The following APBA2 variants were observed in gnomAD, a reference collection of about 807,000 sequenced individuals.
APBA2 encodes the protein amyloid-beta A4 precursor protein-binding family A member 2.
Under a neutral mutation model 75.0 loss-of-function variants are expected in APBA2, and 30 were observed. That is an observed-to-expected ratio of 0.40 (90% CI 0.30 to 0.54). The LOEUF (loss-of-function observed/expected upper bound fraction) is 0.54. Among genes scored for constraint, APBA2 ranks in the 20% least tolerant of loss-of-function variants. APBA2 has a pLI of 0.49. For synonymous variants in APBA2, 444 were observed against 409.6 expected (o/e 1.08, Z -1.01); for missense variants, 801 against 1,016.1 (o/e 0.79, Z 2.88).
intron 9 of APBA2, among the ~76,000 whole-genome samples, chr15:29,099,558 G>A (rs1446364708): frequency 2.0e-5 from 3 of 152,226 alleles, no homozygotes; most frequent in Non-Finnish European, 4.4e-5. Flanking sequence ...GGCAAAAGAG[G>A]TGTCCAGCCT....
intron 3 of APBA2, among the ~76,000 whole-genome samples, chr15:29,004,941 A>G (rs992313711): frequency 3.3e-5 from 5 of 152,100 alleles, no homozygotes; most frequent in Admixed American, 1.3e-4. Flanking sequence ...TGGGCTCTCA[A>G]AGTGCTGGGG....
rs1415683696 is a variant in APBA2, at chr15:28,918,041, C to T, written c.-204-3599C>T. On this transcript the variant is annotated intron_variant, in intron 1 of 14. Transcript: ENST00000683413. This position sits in a 1 kb window ranked among gnomAD's most constrained non-coding sequence, Gnocchi z 4.2. ...GTGGGGCAAGGAAGCTGCCCCCAGT[C>T]GGTCCCCGAGGATTCTGCCCAGATA... 6.6e-6 allele frequency among the ~76,000 whole-genome samples: 1 copy of T among 152,208 alleles called. No individual in the cohort carries two copies. Among genetic ancestry groups the T allele is most frequent in the African/African-American group, 2.4e-5 (1 of 41,450 alleles).
At chr15:28,923,247 C>G (rs1034953554) in intron 2 of APBA2, among the ~76,000 whole-genome samples, 8 of 152,124 alleles carry the variant, frequency 5.3e-5, no homozygotes, top group Non-Finnish European at 1.0e-4. Flanking sequence ...TGCCCACTCC[C>G]CATAGATTAC....
intron 3 of APBA2, among the ~76,000 whole-genome samples, chr15:29,005,314 G>A (rs1018828280): frequency 1.3e-5 from 2 of 152,000 alleles, no homozygotes; most frequent in African/African-American, 4.8e-5. Flanking sequence ...AGCGTGGAGT[G>A]CAGTGCTGCA....
chr15:28,898,130 C>T (rs1241437469), intron 1 of APBA2, among the ~76,000 whole-genome samples: 6 of 152,110 alleles, frequency 3.9e-5, no homozygotes, highest in African/African-American at 1.4e-4. Flanking sequence ...GGGAATGTGG[C>T]CCTGCCAACA....
intron 4 of APBA2, 21 bp from the exon 5 acceptor site, chr15:29,074,900 C>G (rs1566976025): frequency 6.2e-7 from 1 of 1,612,678 alleles, no homozygotes; most frequent in African/African-American, 1.3e-5. Context: ...AAATCACGAT[C>G]TTTAACTTCC....
chr15:28,993,147 C>T (rs1014654075), intron 2 of APBA2, among the ~76,000 whole-genome samples: 2 of 152,270 alleles, frequency 1.3e-5, no homozygotes, highest in Non-Finnish European at 2.9e-5. Flanking sequence ...TGGGATGGAG[C>T]CCGCCCCCCA....
At chr15:29,088,731 C>T (rs949760255) in intron 6 of APBA2, among the ~76,000 whole-genome samples, 3 of 152,178 alleles carry the variant, frequency 2.0e-5, no homozygotes, top group African/African-American at 4.8e-5. Context: ...GGTTGGGCCA[C>T]TTCCCTGATG....
rs543941199 is a variant in APBA2, at chr15:28,962,827, C to T, written c.-94-32926C>T. Among the ~76,000 whole-genome samples, 247 of 152,324 alleles carry T rather than the reference C, an allele frequency of 1.6e-3. 1 individual carries two copies. The highest frequency in any genetic ancestry group is 3.0e-3 in the Non-Finnish European group (204 of 68,038). The stretch of plus-strand genomic sequence containing the variant: ...TGTCCTAGAGGTTATGATCTGCAGA[C>T]TCATTAGATGCTAGTGATGCTGGTC... On this transcript the variant is annotated intron_variant, in intron 2 of 14. Transcript: ENST00000683413.
rs941254168 is a variant in APBA2, at chr15:29,118,154, T to A, written c.*1021T>A. The stretch of plus-strand genomic sequence containing the variant: ...GTCATCTTGTCTCGAAGTCTCTTTT[T>A]TTGGCCCAGGCCTTGAAGAATACAC... On this transcript the variant is annotated 3_prime_UTR_variant, in exon 15 of 15. Transcript: ENST00000683413. 1 of 152,666 alleles carries A rather than the reference T, an allele frequency of 6.6e-6. No homozygotes were observed. The highest frequency in any genetic ancestry group is 1.5e-5 in the Non-Finnish European group (1 of 68,054). The allele number at this position is 152,666 out of a possible 1,614,324, so 9.5% of individuals were successfully genotyped here.
At chr15:29,086,413 A>G (rs1254439923) in intron 6 of APBA2, among the ~76,000 whole-genome samples, 2 of 152,254 alleles carry the variant, frequency 1.3e-5, no homozygotes, top group African/African-American at 2.4e-5. Flanking sequence ...GTAATTTGTT[A>G]TGCAGCCAAC....
chr15:29,084,151 A>C (rs1159694544), intron 6 of APBA2, among the ~76,000 whole-genome samples: 3 of 152,166 alleles, frequency 2.0e-5, no homozygotes, highest in African/African-American at 7.2e-5. Flanking sequence ...GCCTTAGTGA[A>C]TTCTCTTATT....
chr15:29,075,984 C>A, intron 5 of APBA2, 71 bp from the exon 6 acceptor site: 2 of 1,412,742 alleles, frequency 1.4e-6, no homozygotes, highest in South Asian at 1.2e-5. Context: ...CACAGCCCTG[C>A]TTAGCCTTCA....
At chr15:28,957,182 C>A (rs1200893980) in intron 2 of APBA2, among the ~76,000 whole-genome samples, 1 of 152,156 alleles carries the variant, frequency 6.6e-6, no homozygotes, top group Non-Finnish European at 1.5e-5. Flanking sequence ...ACGCCATTCT[C>A]CTGCCTCAGC....
rs1027753253 is a variant in APBA2, at chr15:29,117,086, G to A, written c.2203G>A (p.Ala735Thr). ...GEIHMKTMPA[A>T]MFRLLTGQET... ...GATCCACATGAAGACCATGCCCGCC[G>A]CCATGTTCAGGCTCCTCACGGGTCA... The change falls in exon 15 of 15, where the codon GCC becomes ACC. Residue 735 changes from alanine (A) to threonine (T), a missense_variant. Transcript: ENST00000683413. 2.5e-6 allele frequency: 4 copies of A among 1,613,174 alleles called. No individual in the cohort carries two copies. Among genetic ancestry groups the A allele is most frequent in the African/African-American group, 2.7e-5 (2 of 74,928 alleles).
intron 1 of APBA2, among the ~76,000 whole-genome samples, chr15:28,899,583 G>A (rs1466224676): frequency 1.3e-5 from 2 of 152,076 alleles, no homozygotes; most frequent in South Asian, 2.1e-4. Flanking sequence ...GTGTGTGCCC[G>A]GCCTTGCTCT....
chr15:28,942,170 C>CA (rs1479566816), intron 2 of APBA2, among the ~76,000 whole-genome samples: 1 of 152,218 alleles, frequency 6.6e-6, no homozygotes, highest in Non-Finnish European at 1.5e-5. Context: ...CTTGAAGGTG[C>CA]AAGTGGGCAA....
intron 6 of APBA2, among the ~76,000 whole-genome samples, chr15:29,082,063 T>C (rs2043106678): frequency 1.3e-5 from 2 of 152,244 alleles, no homozygotes; most frequent in South Asian, 4.1e-4. Flanking sequence ...CTGTTTGATA[T>C]AAGCTCCAGG....
rs1291745721 is a variant in APBA2, at chr15:29,086,339, A to T, written c.1070-6736A>T. Among the ~76,000 whole-genome samples the T allele has an allele frequency of 3.3e-5, 5 of 152,328 alleles. No individual in the cohort carries two copies. In the East Asian group the frequency reaches 9.6e-4, roughly 29 times the overall value. On this transcript the variant is annotated intron_variant, in intron 6 of 14. Coordinates refer to ENST00000683413, the MANE Select transcript of APBA2 (RefSeq NM_001353788.2). Reference sequence around the variant, plus strand: ...AGTCACCCAGCTAAGCCACACCCAGATTCCCGATCCACAGAAACTCTCAGA... The same window carrying T: ...AGTCACCCAGCTAAGCCACACCCAGTTTCCCGATCCACAGAAACTCTCAGA...
Sources: allele counts gnomAD v4.1 joint callset (sites outside exome capture counted in the v4.1 genomes callset), GRCh38; gene constraint gnomAD v4.1.1; non-coding constraint Gnocchi (gnomAD v3.1); transcripts MANE v1.5; gene names NCBI Gene and HGNC (gene_info 2026-07-23, HGNC 2026-07-21).